DOCK1: variants seen among roughly 807,000 people sequenced by gnomAD.
DOCK1 encodes the protein dedicator of cytokinesis 1.
In DOCK1, 138 loss-of-function variants were observed where a neutral mutation model predicts 262.7. The ratio of observed to expected loss-of-function variants is 0.53; its 90% CI spans 0.46 to 0.61. DOCK1 has a LOEUF of 0.61. Ranked by LOEUF, DOCK1 falls within the 20% of genes least tolerant of loss-of-function variation. The pLI, the probability that DOCK1 is intolerant of heterozygous loss-of-function variation, is 0.00. For synonymous variants in DOCK1, 866 were observed against 867.4 expected, an observed-to-expected ratio of 1.00 and a Z score of 0.03; for missense variants, 1,908 against 2,370.7, an observed-to-expected ratio of 0.80 and a Z score of 4.05.
intron 29 of DOCK1, among the ~76,000 whole-genome samples, chr10:127,337,097 A>G (rs1407438719): frequency 6.6e-6 from 1 of 152,196 alleles, no homozygotes; most frequent in Non-Finnish European, 1.5e-5. Context: ...GAAAAAATTA[A>G]GGGGAAAAAA....
chr10:127,079,353 G>A (rs1266708528), intron 23 of DOCK1, among the ~76,000 whole-genome samples: 1 of 152,154 alleles, frequency 6.6e-6, no homozygotes, highest in Non-Finnish European at 1.5e-5. Flanking sequence ...ACTCTGTTCT[G>A]CAATTCTGTC....
intron 49 of DOCK1, among the ~76,000 whole-genome samples, chr10:127,441,615 C>T (rs1014552101): frequency 6.6e-6 from 1 of 152,086 alleles, no homozygotes. Flanking sequence ...ACCAGCCATG[C>T]GCAGGAGGGG....
At position 126,935,449 on chromosome 10, in the gene DOCK1, T is replaced by C. The variant is rs1016278068; in HGVS notation, c.46+29886T>C. 1.1e-4 allele frequency among the ~76,000 whole-genome samples: 17 copies of C among 152,266 alleles called. No homozygotes were observed. In the East Asian group the frequency reaches 3.3e-3, roughly 29 times the overall value. On this transcript the variant is annotated intron_variant, in intron 1 of 51. Transcript: ENST00000623213. ...GCCTGGGAGATGCAGATTGGAGGCT[T>C]GTTCTTTAAAGGCCCAGTGGGGGTC...
At chr10:126,985,873 C>T (rs923367818) in intron 4 of DOCK1, among the ~76,000 whole-genome samples, 8 of 152,088 alleles carry the variant, frequency 5.3e-5, no homozygotes, top group African/African-American at 1.9e-4. Flanking sequence ...GAGATGGTGT[C>T]TCGCTTTGTT....
At chr10:127,339,266 G>A (rs762334754) in intron 30 of DOCK1, among the ~76,000 whole-genome samples, 182 bp downstream of exon 30, 12 of 152,156 alleles carry the variant, frequency 7.9e-5, no homozygotes, top group Non-Finnish European at 1.5e-4. Flanking sequence ...TACTTTTGGA[G>A]TATTCGCTTA....
In DOCK1 at chr10:127,093,904, C is replaced by T. The variant is rs950640281; in HGVS notation, c.2446-12327C>T. Among the ~76,000 whole-genome samples the T allele has an allele frequency of 2.6e-5, 4 of 152,258 alleles. No individual in the cohort carries two copies. In the East Asian group the frequency reaches 7.7e-4, roughly 29 times the overall value. ...GGCAAGTCCAAGGTCAAGGTGCTAGCATTAAGGGCCTTCTTGCCTGGTCAT... is the reference window on the plus strand; with the variant it reads ...GGCAAGTCCAAGGTCAAGGTGCTAGTATTAAGGGCCTTCTTGCCTGGTCAT... On this transcript the variant is annotated intron_variant, in intron 23 of 51. Transcript: ENST00000623213.
At chr10:127,251,850 A>G (rs2059657856) in intron 28 of DOCK1, among the ~76,000 whole-genome samples, 1 of 147,034 alleles carries the variant, frequency 6.8e-6, no homozygotes, top group Non-Finnish European at 1.5e-5. Context: ...ATACGTGTGC[A>G]TGTGTCTTTA....
At chr10:127,073,252 G>A (rs2046335202) in intron 23 of DOCK1, among the ~76,000 whole-genome samples, 1 of 152,184 alleles carries the variant, frequency 6.6e-6, no homozygotes, top group African/African-American at 2.4e-5. Context: ...CAGATTCACT[G>A]CAGTCCCAAT....
chr10:127,397,564 G>A (rs554865231), intron 38 of DOCK1, among the ~76,000 whole-genome samples: 1 of 151,068 alleles, frequency 6.6e-6, no homozygotes, highest in East Asian at 2.0e-4. Flanking sequence ...TGAGTTACAT[G>A]GGCAGTGTGT....
At chr10:127,060,952 C>T (rs754650641) in intron 22 of DOCK1, among the ~76,000 whole-genome samples, 42 of 152,116 alleles carry the variant, frequency 2.8e-4, no homozygotes, top group Non-Finnish European at 5.1e-4. Flanking sequence ...TGGTAGTGGC[C>T]GCCTGGCGGC....
At chr10:127,004,298 C>T (rs1403241911) in intron 10 of DOCK1, among the ~76,000 whole-genome samples, 1 of 151,758 alleles carries the variant, frequency 6.6e-6, no homozygotes, top group Non-Finnish European at 1.5e-5. Context: ...CCTGATCGTT[C>T]TGCTTGTGGA....
intron 23 of DOCK1, among the ~76,000 whole-genome samples, chr10:127,069,389 C>A (rs570110352): frequency 1.3e-4 from 20 of 152,170 alleles, no homozygotes; most frequent in Non-Finnish European, 2.5e-4. Flanking sequence ...GAATCAGGGC[C>A]TGGAGCAAAC....
intron 25 of DOCK1, among the ~76,000 whole-genome samples, chr10:127,112,291 C>T (rs1382874333): frequency 1.3e-5 from 2 of 152,152 alleles, no homozygotes; most frequent in Admixed American, 6.5e-5. Flanking sequence ...GGATTACAGG[C>T]GTGAGCCACC....
intron 39 of DOCK1, among the ~76,000 whole-genome samples, 175 bp from the exon 40 acceptor site, chr10:127,404,150 G>A (rs2067378198): frequency 6.6e-6 from 1 of 152,096 alleles, no homozygotes; most frequent in Non-Finnish European, 1.5e-5. Flanking sequence ...ACGATGGAGT[G>A]AGATGAAATT....
intron 1 of DOCK1, among the ~76,000 whole-genome samples, chr10:126,959,427 G>A (rs2037016363): frequency 6.6e-6 from 1 of 152,116 alleles, no homozygotes; most frequent in Non-Finnish European, 1.5e-5. Flanking sequence ...AGTAAATCAC[G>A]ATATATAGGG....
chr10:126,913,373 C>T (rs1036625367), intron 1 of DOCK1, among the ~76,000 whole-genome samples: 18 of 152,272 alleles, frequency 1.2e-4, no homozygotes, highest in African/African-American at 3.4e-4. Context: ...TGGCAAAACC[C>T]GGGCTTTGGT....
intron 27 of DOCK1, chr10:127,196,237 A>AGCTCGCGTC (rs923640930): frequency 6.8e-6 from 1 of 147,328 alleles, no homozygotes. Context: ...CCCGCGCCGC[A>AGCTCGCGTC]GCTCGCGTCG....
At chr10:127,199,001 A>G (rs2134211703) in intron 27 of DOCK1, among the ~76,000 whole-genome samples, 1 of 151,098 alleles carries the variant, frequency 6.6e-6, no homozygotes, top group Non-Finnish European at 1.5e-5. Flanking sequence ...TTTTTAATAG[A>G]TGGGATGTAG....
intron 30 of DOCK1, among the ~76,000 whole-genome samples, chr10:127,342,055 TTTG>T (rs1349592473): frequency 5.3e-5 from 8 of 152,124 alleles, no homozygotes; most frequent in East Asian, 3.9e-4. Flanking sequence ...GCATTCGTGT[TTTG>T]TTGTTGTTGC....
Sources: allele counts gnomAD v4.1 joint callset (sites outside exome capture counted in the v4.1 genomes callset), GRCh38; gene constraint gnomAD v4.1.1; transcripts MANE v1.5; gene names NCBI Gene and HGNC (gene_info 2026-07-23, HGNC 2026-07-21).